The following ZZEF1 variants were observed in gnomAD, a reference collection of about 807,000 sequenced individuals.
ZZEF1 encodes zinc finger ZZ-type and EF-hand domain-containing protein 1.
Under a neutral mutation model 342.8 loss-of-function variants are expected in ZZEF1, and 157 were observed. That is an observed-to-expected ratio of 0.46 (90% confidence interval 0.40 to 0.52). The LOEUF is 0.52. Ranked by LOEUF, ZZEF1 falls within the 20% of genes least tolerant of loss-of-function variation. ZZEF1 has a pLI of 0.00. For synonymous variants in ZZEF1, 1,505 were observed against 1,429.1 expected (o/e 1.05, Z -1.20); for missense variants, 3,480 against 3,725.6 (o/e 0.93, Z 1.72).
At chr17:4,109,468 A>G (rs1435435164) in intron 6 of ZZEF1, among the ~76,000 whole-genome samples, 185 bp downstream of exon 6, 1 of 152,146 alleles carries the variant, frequency 6.6e-6, no homozygotes. Context: ...TAAAGTCAGA[A>G]CGTCAATCAA....
Position 4,112,033 on chromosome 17 carries a change from AATATATATATATATATATATATATATAT to A in ZZEF1, c.1066+548_1066+575del, listed in dbSNP as rs57925351. On this transcript the variant is annotated intron_variant, in intron 5 of 54. Coordinates refer to ENST00000381638, the MANE Select transcript of ZZEF1 (RefSeq NM_015113.4). The stretch of plus-strand genomic sequence containing the variant: ...GGGTGACAAAAAGAGATCCTGTCTA[AATATATATATATATATATATATATATAT>A]ATATATATATATATATATATATATA... Among the ~76,000 whole-genome samples, 250 of 54,462 alleles carry A rather than the reference AATATATATATATATATATATATATATAT, an allele frequency of 4.6e-3. 10 individuals carry two copies. Among genetic ancestry groups the A allele is most frequent in the South Asian group, 7.7e-3 (11 of 1,436 alleles). The allele number at this position is 54,462 out of a possible 152,430, so 35.7% of individuals were successfully genotyped here.
chr17:4,017,787 G>T lies in ZZEF1; in HGVS notation c.7641+49C>A. The T allele has an allele frequency of 6.2e-7, 1 of 1,613,812 alleles. No homozygotes were observed. The highest frequency in any genetic ancestry group is 1.3e-5 in the African/African-American group (1 of 75,056). On this transcript the variant is annotated intron_variant, in intron 47 of 54. Coordinates refer to ENST00000381638, the MANE Select transcript of ZZEF1 (RefSeq NM_015113.4). This position sits in a 1 kb window ranked among gnomAD's most constrained non-coding sequence, Gnocchi z 5.1. Reference sequence around the variant, plus strand: ...TAGCCTTCTTACAGTGGTGGTATGGGGTGGGGGATGGGGTGCAGATACTTT... The same window carrying T: ...TAGCCTTCTTACAGTGGTGGTATGGTGTGGGGGATGGGGTGCAGATACTTT...
chr17:4,109,489 A>G lies in ZZEF1; in HGVS notation c.1277+164T>C, dbSNP rs371459127. 7.9e-5 allele frequency among the ~76,000 whole-genome samples: 12 copies of G among 152,216 alleles called. No homozygotes were observed. In the East Asian group the frequency reaches 2.3e-3, roughly 29 times the overall value. On this transcript the variant is annotated intron_variant, in intron 6 of 54. Transcript: ENST00000381638. Reference sequence around the variant, plus strand: ...CAGAACGTCAATCAAAGAGAGATACACTGTGGAGCTGAGTGGCACGAACAG... The same window carrying G: ...CAGAACGTCAATCAAAGAGAGATACGCTGTGGAGCTGAGTGGCACGAACAG...
At chr17:4,087,575 T>G (rs528428031) in intron 13 of ZZEF1, 41 bp from the exon 14 acceptor site, 1 of 1,543,976 alleles carries the variant, frequency 6.5e-7, no homozygotes, top group African/African-American at 1.4e-5. Flanking sequence ...AACTGAAAAA[T>G]GCATTTAGAG....
intron 6 of ZZEF1, among the ~76,000 whole-genome samples, chr17:4,106,852 T>C (rs545527972): frequency 2.6e-5 from 4 of 152,210 alleles, no homozygotes; most frequent in Non-Finnish European, 4.4e-5. Context: ...CTACAACTGA[T>C]AGTCGCTTAA....
At chr17:4,109,575 G>T in intron 6 of ZZEF1, 78 bp downstream of exon 6, 1 of 1,474,500 alleles carries the variant, frequency 6.8e-7, no homozygotes, top group Non-Finnish European at 9.4e-7. Flanking sequence ...ATGGAAGGCT[G>T]CTCAGTGATA....
intron 46 of ZZEF1, 90 bp from the exon 47 acceptor site, chr17:4,018,061 G>T: frequency 6.5e-7 from 1 of 1,531,972 alleles, no homozygotes; most frequent in Non-Finnish European, 8.9e-7. Context: ...GTTCTTCAGA[G>T]TTGTTCTTCT....
chr17:4,121,855 T>C (rs2058488703), intron 2 of ZZEF1, among the ~76,000 whole-genome samples: 2 of 151,938 alleles, frequency 1.3e-5, no homozygotes, highest in South Asian at 4.1e-4. Flanking sequence ...CCCGAGTAGC[T>C]GGGACCAATG....
chr17:4,092,285 G>A (rs993712591), intron 11 of ZZEF1, among the ~76,000 whole-genome samples: 2 of 140,248 alleles, frequency 1.4e-5, no homozygotes, highest in Non-Finnish European at 3.0e-5. Context: ...CTGTAACAGA[G>A]AGAAAACATG....
At position 4,059,159 on chromosome 17, in the gene ZZEF1, G is replaced by A. The variant is rs1000895858; in HGVS notation, c.5003+12C>T. The A allele has an allele frequency of 2.6e-6, 4 of 1,554,306 alleles. No homozygotes were observed. The African/African-American group carries it at 5.6e-5, about 22-fold the overall frequency. ...ATTTTTTTTCTCTAGAAATGATAAA[G>A]TTATCCAGTACCTGTCATTTAGGCT... On this transcript the variant is annotated intron_variant, in intron 31 of 54. Transcript: ENST00000381638.
chr17:4,014,554 C>T lies in ZZEF1; in HGVS notation c.8146-39G>A. The T allele has an allele frequency of 1.2e-6, 2 of 1,606,664 alleles. No individual in the cohort carries two copies. Among genetic ancestry groups the T allele is most frequent in the Non-Finnish European group, 8.5e-7 (1 of 1,174,312 alleles). On this transcript the variant is annotated intron_variant, in intron 49 of 54. Coordinates refer to ENST00000381638, the MANE Select transcript of ZZEF1 (RefSeq NM_015113.4). The surrounding 1 kb of genome is among the most constrained non-coding windows in gnomAD (Gnocchi z 4.4). ...ATGGAGAACACATCTGTCGATGCTG[C>T]TCACTAGACACTGACTGCAGCTGTC...
Position 4,017,979 on chromosome 17 carries a change from A to C in ZZEF1, c.7506-8T>G. On this transcript the variant is annotated splice_polypyrimidine_tract_variant and splice_region_variant and intron_variant, in intron 46 of 54. Coordinates refer to ENST00000381638, the MANE Select transcript of ZZEF1 (RefSeq NM_015113.4). This position sits in a 1 kb window ranked among gnomAD's most constrained non-coding sequence, Gnocchi z 5.1. ...AGCTCATCACCATCAAACCTGCAGAAGGGCAGCACAAAGTTGAGTACCAAC... is the reference window on the plus strand; with the variant it reads ...AGCTCATCACCATCAAACCTGCAGACGGGCAGCACAAAGTTGAGTACCAAC... The C allele has an allele frequency of 6.2e-7, 1 of 1,612,624 alleles. No homozygotes were observed. Among genetic ancestry groups the C allele is most frequent in the Non-Finnish European group, 8.5e-7 (1 of 1,179,938 alleles).
chr17:4,108,791 T>C (rs748487934), intron 6 of ZZEF1, among the ~76,000 whole-genome samples: 6 of 152,252 alleles, frequency 3.9e-5, no homozygotes, highest in Non-Finnish European at 8.8e-5. Context: ...TGAGAATACA[T>C]GCTACAACAG....
At chr17:4,032,462 T>C (rs1454519496) in intron 41 of ZZEF1, among the ~76,000 whole-genome samples, 1 of 152,174 alleles carries the variant, frequency 6.6e-6, no homozygotes, top group East Asian at 1.9e-4. Flanking sequence ...AGGCCATGTT[T>C]TTACAGCCCC....
intron 18 of ZZEF1, among the ~76,000 whole-genome samples, chr17:4,080,251 T>A (rs1181265276): frequency 6.6e-6 from 1 of 151,154 alleles, no homozygotes. Context: ...ATTTAAAAAA[T>A]CACTAACACA....
chr17:4,033,293 G>A (rs1013167396), intron 40 of ZZEF1: 4 of 308,070 alleles, frequency 1.3e-5, no homozygotes, highest in East Asian at 5.2e-5. Context: ...AATGTAGTGA[G>A]ACAGCACCAG....
chr17:4,109,394 G>T (rs1597904443), intron 6 of ZZEF1, among the ~76,000 whole-genome samples: 1 of 152,212 alleles, frequency 6.6e-6, no homozygotes, highest in African/African-American at 2.4e-5. Flanking sequence ...GTGAGCTGAT[G>T]AAGAACACTG....
chr17:4,088,693 C>A lies in ZZEF1; in HGVS notation c.2226G>T (p.Gln742His). ...GAAGCCCTACCAGGTCATGGGCGAGCTGCTGGATAAACTGAAGGGTCCTGA... is the reference window on the plus strand; with the variant it reads ...GAAGCCCTACCAGGTCATGGGCGAGATGCTGGATAAACTGAAGGGTCCTGA... The part of the protein sequence containing the change: ...LLLRTLQFIQ[Q>H]LAHDLVQQKE... The change falls in exon 13 of 55, where the codon CAG becomes CAT. Residue 742 changes from glutamine (Q) to histidine (H), a missense_variant. Gln to His is a conservative substitution (Grantham distance 24). Around this residue, in one of 5 missense-constraint regions of ZZEF1, gnomAD observed 1,528 missense variants for 1,624.1 expected, o/e 0.94. Coordinates refer to ENST00000381638, the MANE Select transcript of ZZEF1 (RefSeq NM_015113.4). 6.2e-7 allele frequency: 1 copy of A among 1,613,912 alleles called. No homozygotes were observed.
At chr17:4,044,991 T>TA (rs1224359591) in intron 37 of ZZEF1, among the ~76,000 whole-genome samples, 2 of 151,828 alleles carry the variant, frequency 1.3e-5, no homozygotes, top group East Asian at 3.9e-4. Flanking sequence ...CCATCTCTAC[T>TA]AAAAATACAA....
Sources: allele counts gnomAD v4.1 joint callset (sites outside exome capture counted in the v4.1 genomes callset), GRCh38; gene constraint gnomAD v4.1.1; regional missense constraint gnomAD v4.1.1; non-coding constraint Gnocchi (gnomAD v3.1); transcripts MANE v1.5; gene names NCBI Gene and HGNC (gene_info 2026-07-23, HGNC 2026-07-21).